The following STK33 variants were observed in gnomAD, a reference collection of about 807,000 sequenced individuals.
The protein encoded by STK33 is serine/threonine-protein kinase 33.
A neutral mutation model predicts 58.0 loss-of-function variants in STK33; 52 were observed. The observed-to-expected ratio is 0.90, with a 90% CI of 0.72 to 1.13. The LOEUF is 1.13. STK33 is among the 50% of genes most tolerant of loss of function. STK33 has a pLI of 0.00. For missense variants in STK33, 630 were observed against 604.2 expected (o/e 1.04, Z -0.45); for synonymous variants, 215 against 200.1 (o/e 1.07, Z -0.63).
intron 1 of STK33, among the ~76,000 whole-genome samples, chr11:8,509,116 CA>C (rs1161851155): frequency 0.014 from 627 of 45,444 alleles, 1 homozygote; most frequent in African/African-American, 0.041. Context: ...AACTCTGTCT[CA>C]AAAAAAAAAA....
At chr11:8,433,180 T>C (rs988170490) in intron 14 of STK33, among the ~76,000 whole-genome samples, 1 of 152,202 alleles carries the variant, frequency 6.6e-6, no homozygotes, top group African/African-American at 2.4e-5. Flanking sequence ...ACAGAATCCT[T>C]TGAGAGAGCA....
At chr11:8,593,669 A>C (rs2032971473) in intron 1 of STK33, 1 of 152,322 alleles carries the variant, frequency 6.6e-6, no homozygotes, top group Admixed American at 6.5e-5. Context: ...GGGTCCCACT[A>C]GGTACCAGGC....
At chr11:8,436,165 T>G in intron 12 of STK33, 26 bp from the exon 13 acceptor site, 1 of 1,300,060 alleles carries the variant, frequency 7.7e-7, no homozygotes. Context: ...TCACTTTGTT[T>G]AAATTTTTTA....
the STK33 span, among the ~76,000 whole-genome samples, chr11:8,376,904 C>T: frequency 6.6e-6 from 1 of 152,180 alleles, no homozygotes; most frequent in Non-Finnish European, 1.5e-5. Flanking sequence ...CCAACCATCC[C>T]TAGTATAGTC....
chr11:8,435,581 T>C lies in STK33; in HGVS notation c.1061-2A>G. 6.8e-7 allele frequency: 1 copy of C among 1,478,794 alleles called. No individual in the cohort carries two copies. Among genetic ancestry groups the C allele is most frequent in the Non-Finnish European group, 9.0e-7 (1 of 1,105,078 alleles). 91.6% of individuals were successfully genotyped at this position (1,478,794 alleles called of 1,614,324 possible). ...TAAGTTGTTTCAAAACACTTTTAGC[T>C]AAAAATAAGAAAAAAATCCTGAAAA... On this transcript the variant is annotated splice_acceptor_variant, in intron 13 of 15. Coordinates refer to ENST00000687296, the MANE Select transcript of STK33 (RefSeq NM_001352389.2). LOFTEE classifies it high-confidence loss of function.
chr11:8,582,714 A>G (rs1427213806), intron 1 of STK33, among the ~76,000 whole-genome samples: 2 of 152,228 alleles, frequency 1.3e-5, no homozygotes, highest in Non-Finnish European at 1.5e-5. Context: ...ATGTATGTGT[A>G]TAAGTATATA....
At chr11:8,508,238 T>C (rs181000406) in intron 1 of STK33, among the ~76,000 whole-genome samples, 1 of 150,790 alleles carries the variant, frequency 6.6e-6, no homozygotes, top group East Asian at 2.0e-4. Context: ...TACATGTATA[T>C]ACTGAAACAA....
At chr11:8,378,213 C>G in the STK33 span, among the ~76,000 whole-genome samples, 1 of 152,134 alleles carries the variant, frequency 6.6e-6, no homozygotes, top group Admixed American at 6.5e-5. Flanking sequence ...AAGTTCAGAG[C>G]GAAGTGGGGG....
In STK33 at chr11:8,587,588, A is replaced by T. The variant is rs1220653654; in HGVS notation, c.-466+6495T>A. ...GAGGGAGGAGTTTTCAATGGAAGGT[A>T]AAAAAAAAAAAAAAAAAAGATGAAA... is the stretch of plus-strand genomic sequence containing the variant. On this transcript the variant is annotated intron_variant, in intron 1 of 15. Transcript: ENST00000687296. Among the ~76,000 whole-genome samples, 4 of 1,386 alleles carry T rather than the reference A, an allele frequency of 2.9e-3. 1 individual carries two copies. The highest frequency in any genetic ancestry group is 0.062 in the South Asian group (1 of 16). The allele number at this position is 1,386 out of a possible 152,430, so 0.9% of individuals were successfully genotyped here. A position where few individuals can be genotyped will look rare whatever the true frequency, so the allele number is the denominator to read the frequency against.
chr11:8,551,125 T>C (rs913615684), intron 1 of STK33, among the ~76,000 whole-genome samples: 4 of 152,104 alleles, frequency 2.6e-5, no homozygotes, highest in African/African-American at 9.7e-5. Context: ...AAGTCAGTTA[T>C]TCTGAATAAT....
chr11:8,569,259 C>A (rs1261361357), intron 1 of STK33, among the ~76,000 whole-genome samples: 2 of 152,172 alleles, frequency 1.3e-5, no homozygotes, highest in Non-Finnish European at 2.9e-5. Context: ...CACTATCAAG[C>A]CACAGTAATC....
At chr11:8,389,437 C>T (rs555567661), downstream of STK33, among the ~76,000 whole-genome samples, 9 of 152,306 alleles carry the variant, frequency 5.9e-5, no homozygotes, top group East Asian at 3.9e-4. Context: ...TGGGCAGAGA[C>T]GGCAGAGCAG....
intron 1 of STK33, among the ~76,000 whole-genome samples, chr11:8,575,357 G>A (rs1165750618): frequency 6.6e-6 from 1 of 152,126 alleles, no homozygotes; most frequent in Non-Finnish European, 1.5e-5. Flanking sequence ...CAACCCAAGT[G>A]TCCATCAACA....
chr11:8,470,113 G>A (rs1948631103), intron 6 of STK33, among the ~76,000 whole-genome samples: 4 of 152,196 alleles, frequency 2.6e-5, no homozygotes, highest in Admixed American at 2.0e-4. Context: ...GCCAAGCATT[G>A]ATTACTCCTC....
intron 1 of STK33, among the ~76,000 whole-genome samples, chr11:8,504,575 G>T (rs1414462039): frequency 6.6e-6 from 1 of 152,016 alleles, no homozygotes; most frequent in Non-Finnish European, 1.5e-5. Context: ...GATCACTTGA[G>T]GCCAGGAGTT....
At chr11:8,593,826 G>A (rs1388691825) in intron 1 of STK33, 7 of 152,358 alleles carry the variant, frequency 4.6e-5, no homozygotes, top group Non-Finnish European at 1.0e-4. Context: ...GATGAACCGG[G>A]GCAGACAGAG....
intron 1 of STK33, among the ~76,000 whole-genome samples, chr11:8,505,906 T>A (rs1156763791): frequency 6.6e-6 from 1 of 152,234 alleles, no homozygotes; most frequent in Non-Finnish European, 1.5e-5. Flanking sequence ...TACGTTAAGC[T>A]CTGTTAGCCT....
chr11:8,466,230 G>A (rs1027518710), intron 6 of STK33: 2 of 152,064 alleles, frequency 1.3e-5, no homozygotes, highest in African/African-American at 4.8e-5. Flanking sequence ...GTCCCCCAAA[G>A]TCTCAACTCA....
rs1259458213 is a variant in STK33 at position 8,391,871 on chromosome 11, G to C, written c.*639C>G. ...CTCTTGTTAACATAAAAATTAATGT[G>C]CTGAGTAACATCTGTTTTTTATTGA... On this transcript the variant is annotated 3_prime_UTR_variant, in exon 16 of 16. Coordinates refer to ENST00000687296, the MANE Select transcript of STK33 (RefSeq NM_001352389.2). 6.5e-6 allele frequency: 1 copy of C among 152,918 alleles called. No homozygotes were observed. Among genetic ancestry groups the C allele is most frequent in the Admixed American group, 6.5e-5 (1 of 15,322 alleles). The allele number at this position is 152,918 out of a possible 1,614,324, so 9.5% of individuals were successfully genotyped here.
Sources: gnomAD v4.1 joint callset for allele counts (sites outside exome capture counted in the v4.1 genomes callset) on GRCh38, gnomAD v4.1.1 for gene constraint, MANE v1.5 for transcripts, NCBI Gene and HGNC (gene_info 2026-07-23, HGNC 2026-07-21) for gene names.